AKT3: variants seen among roughly 807,000 people sequenced by gnomAD.
AKT3 encodes the protein AKT serine/threonine kinase 3.
A neutral mutation model predicts 65.3 loss-of-function variants in AKT3; 15 were observed. The ratio of observed to expected loss-of-function variants is 0.23; its 90% CI spans 0.15 to 0.35. The LOEUF is 0.35. Among genes scored for constraint, AKT3 ranks in the 10% least tolerant of loss-of-function variants. AKT3 has a pLI of 1.00. For missense variants in AKT3, 243 were observed against 576.5 expected (o/e 0.42, Z 5.92); for synonymous variants, 206 against 183.8 (o/e 1.12, Z -0.98).
At chr1:243,792,156 AT>A (rs1691670954) in intron 2 of AKT3, among the ~76,000 whole-genome samples, 1 of 44,516 alleles carries the variant, frequency 2.2e-5, no homozygotes, top group Non-Finnish European at 5.9e-5. Context: ...ACAAACAATA[AT>A]AAGTCATTTA....
intron 2 of AKT3, among the ~76,000 whole-genome samples, chr1:243,815,257 TCAA>T (rs1272404704): frequency 6.6e-6 from 1 of 152,184 alleles, no homozygotes; most frequent in East Asian, 1.9e-4. Flanking sequence ...GGTAGCTTCT[TCAA>T]CATTCTGATA....
chr1:243,596,020 T>C (rs1455294242), intron 8 of AKT3, among the ~76,000 whole-genome samples: 1 of 152,226 alleles, frequency 6.6e-6, no homozygotes, highest in Non-Finnish European at 1.5e-5. Flanking sequence ...ATGTGAGTAA[T>C]GCACTGCAGT....
At chr1:243,510,553 A>G (rs1223276569) in intron 13 of AKT3, among the ~76,000 whole-genome samples, 1 of 152,218 alleles carries the variant, frequency 6.6e-6, no homozygotes, top group Non-Finnish European at 1.5e-5. Flanking sequence ...GAAGGACAAG[A>G]AGGAGCCATC....
intron 8 of AKT3, among the ~76,000 whole-genome samples, chr1:243,587,072 C>T (rs1354596804): frequency 6.6e-6 from 1 of 151,876 alleles, no homozygotes; most frequent in African/African-American, 2.4e-5. Flanking sequence ...GAGAGGGCTA[C>T]AAATTATTAA....
chr1:243,668,028 ATTT>A (rs1157613882), intron 3 of AKT3, among the ~76,000 whole-genome samples: 2 of 152,006 alleles, frequency 1.3e-5, no homozygotes, highest in African/African-American at 2.4e-5. Context: ...TACCTGCTCT[ATTT>A]TTTATTTTCC....
At chr1:243,670,396 T>C (rs559796515) in intron 3 of AKT3, among the ~76,000 whole-genome samples, 45 of 152,250 alleles carry the variant, frequency 3.0e-4, no homozygotes, top group Admixed American at 2.9e-3. Context: ...ATCGAGTAAA[T>C]AGAAAAACTT....
chr1:243,580,539 CCTGCT>C (rs1675261930), intron 8 of AKT3, among the ~76,000 whole-genome samples: 1 of 152,190 alleles, frequency 6.6e-6, no homozygotes, highest in Non-Finnish European at 1.5e-5. Context: ...GATCAAAACA[CCTGCT>C]CTGGAATGGG....
chr1:243,489,213 A>G, intron 13 of AKT3: 7 of 1,564,388 alleles, frequency 4.5e-6, no homozygotes, highest in Non-Finnish European at 6.1e-6. Flanking sequence ...ATGCACCTCA[A>G]CAGGCCGGCT....
At chr1:243,664,019 C>G (rs1352274461) in intron 4 of AKT3, among the ~76,000 whole-genome samples, 1 of 151,982 alleles carries the variant, frequency 6.6e-6, no homozygotes, top group African/African-American at 2.4e-5. Context: ...CTCCTTAGAC[C>G]CAATCTCAGA....
chr1:243,489,289 G>GTCT, intron 13 of AKT3: 1 of 1,111,292 alleles, frequency 9.0e-7, no homozygotes, highest in Non-Finnish European at 1.3e-6. Context: ...GCTGGGCACA[G>GTCT]TGCAGGACCC....
chr1:243,734,097 C>G (rs966652716), intron 2 of AKT3, among the ~76,000 whole-genome samples: 1 of 152,158 alleles, frequency 6.6e-6, no homozygotes, highest in Non-Finnish European at 1.5e-5. Context: ...CTGTCAAGTC[C>G]ATGAGGGCTG....
chr1:243,848,212 T>C (rs1695599098), intron 1 of AKT3, among the ~76,000 whole-genome samples: 1 of 152,130 alleles, frequency 6.6e-6, no homozygotes, highest in African/African-American at 2.4e-5. Context: ...AACAAAAAGA[T>C]CTTCAAGTAC....
intron 2 of AKT3, among the ~76,000 whole-genome samples, chr1:243,703,553 G>A (rs12038981): frequency 0.18 from 27,199 of 151,898 alleles, 2,848 homozygotes; most frequent in East Asian, 0.31. Flanking sequence ...TTGAGGCCAG[G>A]AGTCAGAGAC....
rs900399497 is a variant in AKT3 at position 243,504,175 on chromosome 1, A to G, written c.*1074T>C. 4.6e-5 allele frequency: 10 copies of G among 216,872 alleles called. No homozygotes were observed. The highest frequency in any genetic ancestry group is 9.0e-5 in the African/African-American group (4 of 44,442). The allele number at this position is 216,872 out of a possible 1,614,324, so 13.4% of individuals were successfully genotyped here. A position where few individuals can be genotyped will look rare whatever the true frequency, so the allele number is the denominator to read the frequency against. On this transcript the variant is annotated 3_prime_UTR_variant, in exon 14 of 14. Coordinates refer to ENST00000673466, the MANE Select transcript of AKT3 (RefSeq NM_005465.7). ...AGTAACTGCAGTAAGTCTATTTTATATAAGTTGGAGCTGCGTTTGCTAACA... is the reference window on the plus strand; with the variant it reads ...AGTAACTGCAGTAAGTCTATTTTATGTAAGTTGGAGCTGCGTTTGCTAACA...
At chr1:243,722,488 TC>T (rs1311770918) in intron 2 of AKT3, among the ~76,000 whole-genome samples, 3 of 152,010 alleles carry the variant, frequency 2.0e-5, no homozygotes, top group African/African-American at 7.3e-5. Context: ...AAAAGGCATT[TC>T]CCCCATCACA....
intron 8 of AKT3, among the ~76,000 whole-genome samples, chr1:243,574,910 G>A (rs1196961508): frequency 6.6e-6 from 1 of 151,958 alleles, no homozygotes; most frequent in Non-Finnish European, 1.5e-5. Flanking sequence ...CAAAAAATAT[G>A]GATCCTCCCT....
chr1:243,497,920 G>A (rs55655818), downstream of AKT3, among the ~76,000 whole-genome samples: 2 of 152,060 alleles, frequency 1.3e-5, no homozygotes, highest in Admixed American at 6.5e-5. Flanking sequence ...GGACTCAAGC[G>A]ATCCTATTGC....
At chr1:243,690,295 G>T (rs1394504929) in intron 3 of AKT3, among the ~76,000 whole-genome samples, 1 of 152,078 alleles carries the variant, frequency 6.6e-6, no homozygotes, top group Non-Finnish European at 1.5e-5. Context: ...CTCAAGAGAG[G>T]TTCATACAAA....
intron 1 of AKT3, among the ~76,000 whole-genome samples, chr1:243,849,468 G>T (rs1695662438): frequency 6.9e-6 from 1 of 144,346 alleles, no homozygotes; most frequent in African/African-American, 2.5e-5. Flanking sequence ...AGACCCCGGG[G>T]ACGCCTGTGC....
Sources: gnomAD v4.1 joint callset for allele counts (sites outside exome capture counted in the v4.1 genomes callset) on GRCh38, gnomAD v4.1.1 for gene constraint, MANE v1.5 for transcripts, NCBI Gene and HGNC (gene_info 2026-07-23, HGNC 2026-07-21) for gene names.